The following SLC9B1 variants were observed in gnomAD, a reference collection of about 807,000 sequenced individuals.
SLC9B1 encodes the protein sodium/hydrogen exchanger 9B1.
Under a neutral mutation model 51.7 loss-of-function variants are expected in SLC9B1, and 32 were observed. The observed-to-expected ratio is 0.62, with a 90% CI of 0.47 to 0.83. The LOEUF (loss-of-function observed/expected upper bound fraction) is 0.83. SLC9B1 is among the 40% of genes least tolerant of loss of function. The pLI is 0.00. For synonymous variants in SLC9B1, 145 were observed against 212.7 expected, an observed-to-expected ratio of 0.68 and a Z score of 2.77; for missense variants, 406 against 613.2, an observed-to-expected ratio of 0.66 and a Z score of 3.57.
At chr4:102,896,487 A>T (rs1344685185), downstream of SLC9B1, among the ~76,000 whole-genome samples, 1 of 152,230 alleles carries the variant, frequency 6.6e-6, no homozygotes, top group Non-Finnish European at 1.5e-5. Context: ...GCAATAAAAA[A>T]ATCCACAAAC....
At position 102,990,873 on chromosome 4, in the gene SLC9B1, T is replaced by C. The variant is rs565871627; in HGVS notation, c.69+770A>G. Among the ~76,000 whole-genome samples the C allele has an allele frequency of 3.3e-5, 5 of 152,214 alleles. No homozygotes were observed. In the South Asian group the frequency reaches 8.3e-4, roughly 25 times the overall value. On this transcript the variant is annotated intron_variant, in intron 2 of 11. Coordinates refer to ENST00000296422, the MANE Select transcript of SLC9B1 (RefSeq NM_139173.4). ...AAATGAATTATGTAGCTCTTTAAGATCAAAGTTCTTCAAATCTGATCATAA... is the reference window on the plus strand; with the variant it reads ...AAATGAATTATGTAGCTCTTTAAGACCAAAGTTCTTCAAATCTGATCATAA...
Position 102,932,186 on chromosome 4 carries a change from C to G in SLC9B1, c.767G>C (p.Ser256Thr), listed in dbSNP as rs1736492448. ...AGTGATAGCCAGAATGTCATCCATACTGCTAGCAGCCATTAATAAGGTTGG... is the reference window on the plus strand; with the variant it reads ...AGTGATAGCCAGAATGTCATCCATAGTGCTAGCAGCCATTAATAAGGTTGG... ...GIPTLLMAAS[S>T]MDDILAITGF... Residue 256 changes from serine (S) to threonine (T), a missense_variant, in exon 7 of 12, where the codon AGT becomes ACT. Physicochemically the swap from Ser to Thr is moderately conservative, Grantham distance 58. Around this residue, in one of 6 missense-constraint regions of SLC9B1, gnomAD observed 250 missense variants for 394.1 expected, o/e 0.63. Coordinates refer to ENST00000296422, the MANE Select transcript of SLC9B1 (RefSeq NM_139173.4). 6 of 1,611,948 alleles carry G rather than the reference C, an allele frequency of 3.7e-6. No individual in the cohort carries two copies. The highest frequency in any genetic ancestry group is 5.1e-6 in the Non-Finnish European group (6 of 1,179,802).
At chr4:102,925,085 G>A (rs1445171970) in intron 7 of SLC9B1, among the ~76,000 whole-genome samples, 1 of 152,086 alleles carries the variant, frequency 6.6e-6, no homozygotes, top group Non-Finnish European at 1.5e-5. Context: ...GAATCATGCT[G>A]CTATAAAGAC....
intron 3 of SLC9B1, among the ~76,000 whole-genome samples, chr4:102,954,751 A>G (rs1220511791): frequency 6.6e-6 from 1 of 152,164 alleles, no homozygotes; most frequent in Non-Finnish European, 1.5e-5. Context: ...CATAGAACCA[A>G]AAAGGAAGGA....
intron 3 of SLC9B1, among the ~76,000 whole-genome samples, chr4:102,968,962 G>A (rs1738588665): frequency 1.3e-5 from 2 of 152,232 alleles, no homozygotes; most frequent in Admixed American, 1.3e-4. Context: ...GAATTGCAAG[G>A]TGGTAGCCTG....
chr4:103,008,567 G>C (rs547964361), intron 1 of SLC9B1, among the ~76,000 whole-genome samples: 1 of 151,832 alleles, frequency 6.6e-6, no homozygotes, highest in African/African-American at 2.4e-5. Flanking sequence ...TTTTTTGGAA[G>C]AGATGGGGTT....
intron 7 of SLC9B1, among the ~76,000 whole-genome samples, chr4:102,925,790 C>A (rs1318187436): frequency 1.3e-5 from 2 of 151,494 alleles, no homozygotes; most frequent in Non-Finnish European, 2.9e-5. Flanking sequence ...AGAGACACAA[C>A]AAAAAAAGAG....
chr4:102,942,170 G>A (rs1225131248), intron 6 of SLC9B1, among the ~76,000 whole-genome samples: 1 of 152,082 alleles, frequency 6.6e-6, no homozygotes, highest in Non-Finnish European at 1.5e-5. Context: ...GACTTCTACA[G>A]TGAAAACTAC....
intron 4 of SLC9B1, among the ~76,000 whole-genome samples, chr4:102,948,133 G>A (rs1471734454): frequency 1.3e-5 from 2 of 151,986 alleles, no homozygotes; most frequent in Admixed American, 6.6e-5. Flanking sequence ...CATTTGTATG[G>A]TTACCATATA....
At chr4:103,006,256 G>C (rs1026448644) in intron 1 of SLC9B1, among the ~76,000 whole-genome samples, 1 of 151,590 alleles carries the variant, frequency 6.6e-6, no homozygotes, top group Non-Finnish European at 1.5e-5. Flanking sequence ...TAAGACCACA[G>C]CTAGACTAAC....
At position 102,979,674 on chromosome 4, in the gene SLC9B1, C is replaced by T. The variant is rs572905889; in HGVS notation, c.211+10126G>A. ...CACTTGGCTCCTTAGTGTCTGTTCT[C>T]TACTGACTATAACCCAGAAGGAATG... On this transcript the variant is annotated intron_variant, in intron 3 of 11. Coordinates refer to ENST00000296422, the MANE Select transcript of SLC9B1 (RefSeq NM_139173.4). Among the ~76,000 whole-genome samples the T allele has an allele frequency of 3.7e-4, 57 of 152,270 alleles. 1 individual carries two copies. Among genetic ancestry groups the T allele is most frequent in the Middle Eastern group, 6.8e-3 (2 of 294 alleles).
At chr4:102,979,521 T>C (rs1310582727) in intron 3 of SLC9B1, among the ~76,000 whole-genome samples, 1 of 152,130 alleles carries the variant, frequency 6.6e-6, no homozygotes, top group African/African-American at 2.4e-5. Flanking sequence ...AAGTCTGCTC[T>C]GAAGGATCAG....
intron 10 of SLC9B1, 67 bp downstream of exon 10, chr4:102,906,469 T>C: frequency 1.2e-6 from 1 of 815,084 alleles, no homozygotes; most frequent in South Asian, 1.8e-5. Context: ...TAAATAAAAA[T>C]AAATGTATTT....
chr4:102,893,045 G>A (rs1341167776), intron 11 of SLC9B1, among the ~76,000 whole-genome samples: 2 of 151,960 alleles, frequency 1.3e-5, no homozygotes, highest in African/African-American at 4.8e-5. Context: ...CACTTTGGGA[G>A]GCCAAGGCGG....
rs1029087619 is a variant in SLC9B1, at chr4:102,920,212, C to T, written c.830-8675G>A. Among the ~76,000 whole-genome samples, 10 of 152,112 alleles carry T rather than the reference C, an allele frequency of 6.6e-5. No individual in the cohort carries two copies. The East Asian group carries it at 9.6e-4, about 15-fold the overall frequency. On this transcript the variant is annotated intron_variant, in intron 7 of 11. Transcript: ENST00000296422. ...TGGACGAAGCTTCCAGAGGAAGGAT[C>T]GGGCAGCAATATTTGCTGTTCTGCA...
At chr4:102,939,869 C>G (rs1262256321) in intron 6 of SLC9B1, among the ~76,000 whole-genome samples, 1 of 152,146 alleles carries the variant, frequency 6.6e-6, no homozygotes, top group African/African-American at 2.4e-5. Context: ...ATAATTGGAG[C>G]CATTTATGAC....
At chr4:102,943,299 C>A (rs1737097082) in intron 6 of SLC9B1, among the ~76,000 whole-genome samples, 1 of 151,954 alleles carries the variant, frequency 6.6e-6, no homozygotes, top group Non-Finnish European at 1.5e-5. Flanking sequence ...AGTAGATCTA[C>A]CATTTGATCT....
chr4:102,950,263 C>T (rs1421682709), intron 3 of SLC9B1, among the ~76,000 whole-genome samples: 1 of 152,004 alleles, frequency 6.6e-6, no homozygotes, highest in Non-Finnish European at 1.5e-5. Flanking sequence ...GAGGTAATGG[C>T]TGGAAGAAAT....
intron 3 of SLC9B1, among the ~76,000 whole-genome samples, chr4:102,964,625 A>G (rs1183939645): frequency 6.6e-6 from 1 of 152,226 alleles, no homozygotes; most frequent in African/African-American, 2.4e-5. Flanking sequence ...TATCTCAGGA[A>G]TGTGAGGTGG....
Sources: allele counts gnomAD v4.1 joint callset (sites outside exome capture counted in the v4.1 genomes callset), GRCh38; gene constraint gnomAD v4.1.1; regional missense constraint gnomAD v4.1.1; transcripts MANE v1.5; gene names NCBI Gene and HGNC (gene_info 2026-07-23, HGNC 2026-07-21).